Variants in ATP8B4 observed in about 807,000 individuals in gnomAD.
ATP8B4 encodes the protein probable phospholipid-transporting ATPase IM.
In ATP8B4, 133 loss-of-function variants were observed where a neutral mutation model predicts 145.6. The observed-to-expected ratio is 0.91, with a 90% CI of 0.79 to 1.05. The LOEUF is 1.05. ATP8B4 is among the 50% of genes least tolerant of loss of function. The pLI is 0.00. For missense variants in ATP8B4, 1,458 were observed against 1,425.2 expected (o/e 1.02, Z -0.37); for synonymous variants, 507 against 492.9 (o/e 1.03, Z -0.38).
At chr15:49,966,995 C>T (rs2044611996) in intron 13 of ATP8B4, among the ~76,000 whole-genome samples, 2 of 152,186 alleles carry the variant, frequency 1.3e-5, no homozygotes, top group East Asian at 1.9e-4. Context: ...GAGTGGACCT[C>T]CAGCAAACTC....
At chr15:50,160,952 A>G (rs2044509201) in intron 1 of ATP8B4, among the ~76,000 whole-genome samples, 1 of 152,118 alleles carries the variant, frequency 6.6e-6, no homozygotes, top group Admixed American at 6.5e-5. Context: ...TTAACTGTCC[A>G]ATGCTGAAAA....
chr15:50,004,368 T>TC (rs2153563801), intron 7 of ATP8B4, among the ~76,000 whole-genome samples: 1 of 152,308 alleles, frequency 6.6e-6, no homozygotes, highest in South Asian at 2.1e-4. Context: ...AAAGCCCTGC[T>TC]CATCCCTTGT....
At chr15:49,923,333 G>T in intron 17 of ATP8B4, 46 bp downstream of exon 17, 2 of 1,337,718 alleles carry the variant, frequency 1.5e-6, no homozygotes, top group Non-Finnish European at 2.1e-6. Context: ...AACCATAGGA[G>T]ATGGCAAAAG....
At chr15:50,097,222 A>T (rs2056045792) in intron 2 of ATP8B4, among the ~76,000 whole-genome samples, 1 of 152,192 alleles carries the variant, frequency 6.6e-6, no homozygotes, top group Non-Finnish European at 1.5e-5. Flanking sequence ...ATATGCCTTG[A>T]TAAGGTACCT....
chr15:49,968,769 C>T (rs535074589), intron 13 of ATP8B4, among the ~76,000 whole-genome samples: 13 of 152,146 alleles, frequency 8.5e-5, no homozygotes, highest in Non-Finnish European at 1.3e-4. Context: ...CTGGACCAAG[C>T]GGACCTAATA....
chr15:50,143,139 CA>C (rs2153680015), intron 1 of ATP8B4, among the ~76,000 whole-genome samples: 1 of 152,262 alleles, frequency 6.6e-6, no homozygotes, highest in South Asian at 2.1e-4. Flanking sequence ...AGTTGGCTGC[CA>C]AAACTGTGCC....
chr15:49,966,706 A>T lies in ATP8B4; in HGVS notation c.1244-4686T>A, dbSNP rs576237244. 3.3e-5 allele frequency among the ~76,000 whole-genome samples: 5 copies of T among 152,114 alleles called. No individual in the cohort carries two copies. The East Asian group carries it at 9.7e-4, about 29-fold the overall frequency. On this transcript the variant is annotated intron_variant, in intron 13 of 27. Transcript: ENST00000284509. Reference sequence around the variant, plus strand: ...GTGCGCGCAGCGTCAGCAGAATTATATGTTCCTGCCTGCCGGCTCTGAAGA... The same window carrying T: ...GTGCGCGCAGCGTCAGCAGAATTATTTGTTCCTGCCTGCCGGCTCTGAAGA...
chr15:50,178,458 C>T (rs1034975729), intron 1 of ATP8B4, among the ~76,000 whole-genome samples: 3 of 152,092 alleles, frequency 2.0e-5, no homozygotes, highest in Non-Finnish European at 1.5e-5. Context: ...ACAAAAGTTG[C>T]AGTTTTCTAC....
chr15:50,065,157 G>A (rs2053293122), intron 3 of ATP8B4, among the ~76,000 whole-genome samples: 2 of 152,190 alleles, frequency 1.3e-5, no homozygotes, highest in Middle Eastern at 3.4e-3. Flanking sequence ...AAATCAGGTC[G>A]ATTTAGCCAT....
rs755931160 is a variant in ATP8B4 at position 49,898,125 on chromosome 15, T to C, written c.2416A>G (p.Arg806Gly). 4.3e-6 allele frequency: 7 copies of C among 1,613,992 alleles called. No homozygotes were observed. Among genetic ancestry groups the C allele is most frequent in the South Asian group, 2.2e-5 (2 of 91,084 alleles). Reference sequence around the variant, plus strand: ...CCAATGGCCAAAGTAACAGCATTTCTGTACTTCTTCACCAGCTCTACCACT... The same window carrying C: ...CCAATGGCCAAAGTAACAGCATTTCCGTACTTCTTCACCAGCTCTACCACT... Reference protein sequence around the residue: ...AQVVELVKKYRNAVTLAIGDG... With the variant: ...AQVVELVKKYGNAVTLAIGDG... The change falls in exon 22 of 28, where the codon AGA (arginine) becomes GGA (glycine). Residue 806 changes from arginine to glycine, a missense_variant. Coordinates refer to ENST00000284509, the MANE Select transcript of ATP8B4 (RefSeq NM_024837.4).
chr15:50,021,264 G>A (rs1474145537), intron 6 of ATP8B4, among the ~76,000 whole-genome samples: 26 of 152,192 alleles, frequency 1.7e-4, no homozygotes, highest in Admixed American at 1.6e-3. Flanking sequence ...ATTTGTCACC[G>A]TCATTCTGCT....
chr15:49,960,203 T>G (rs988405494), intron 14 of ATP8B4, among the ~76,000 whole-genome samples: 26 of 152,060 alleles, frequency 1.7e-4, no homozygotes, highest in African/African-American at 6.3e-4. Flanking sequence ...ATTTTTATGT[T>G]TTTAGTACAG....
intron 2 of ATP8B4, among the ~76,000 whole-genome samples, chr15:50,076,245 G>A (rs1350839170): frequency 5.9e-5 from 9 of 152,140 alleles, no homozygotes; most frequent in Admixed American, 5.9e-4. Flanking sequence ...TGTAATCCCA[G>A]CACTTTGGGA....
rs560175193 is a variant in ATP8B4, at chr15:49,998,179, A to C, written c.507-1420T>G. Among the ~76,000 whole-genome samples, 4 of 152,302 alleles carry C rather than the reference A, an allele frequency of 2.6e-5. No individual in the cohort carries two copies. The South Asian group carries it at 6.2e-4, about 24-fold the overall frequency. ...CTCAGTTCTATCTTCAAATGTGAAA[A>C]AACAAAAGAGGAAGAATAATCACAC... On this transcript the variant is annotated intron_variant, in intron 8 of 27. Transcript: ENST00000284509.
At chr15:50,026,706 T>C (rs1252078531) in intron 6 of ATP8B4, among the ~76,000 whole-genome samples, 1 of 152,212 alleles carries the variant, frequency 6.6e-6, no homozygotes, top group Non-Finnish European at 1.5e-5. Flanking sequence ...AGCCAATTCA[T>C]GACAGAGCAG....
At position 49,876,493 on chromosome 15, in the gene ATP8B4, G is replaced by T; in HGVS notation, c.2812C>A (p.Pro938Thr). The change falls in exon 25 of 28, where the codon CCC becomes ACC. Residue 938 changes from proline (P) to threonine (T), a missense_variant. Coordinates refer to ENST00000284509, the MANE Select transcript of ATP8B4 (RefSeq NM_024837.4). ...AGCTGTCCTGGTTTGTAGAGCTGGG[G>T]ACAGTCCACGCTGTTCTGGTCACTC... is the stretch of plus-strand genomic sequence containing the variant. ...DVSDQNSVDC[P>T]QLYKPGQLNL... 6.2e-7 allele frequency: 1 copy of T among 1,614,068 alleles called. No individual in the cohort carries two copies. The highest frequency in any genetic ancestry group is 1.3e-5 in the African/African-American group (1 of 75,050).
At chr15:49,872,104 C>A (rs1333058511) in intron 25 of ATP8B4, among the ~76,000 whole-genome samples, 1 of 152,156 alleles carries the variant, frequency 6.6e-6, no homozygotes, top group Non-Finnish European at 1.5e-5. Context: ...CCAACTATGC[C>A]TAACTACCCA....
At chr15:50,147,773 GA>G (rs1011587615) in intron 1 of ATP8B4, among the ~76,000 whole-genome samples, 12 of 151,772 alleles carry the variant, frequency 7.9e-5, no homozygotes, top group African/African-American at 2.9e-4. Context: ...TTTAAAGGAG[GA>G]AAAAAAGAAA....
chr15:49,981,575 T>C (rs1257461111), intron 10 of ATP8B4, among the ~76,000 whole-genome samples: 1 of 152,054 alleles, frequency 6.6e-6, no homozygotes, highest in African/African-American at 2.4e-5. Context: ...TGTCTATACA[T>C]GAATATGCTT....
Sources: allele counts gnomAD v4.1 joint callset (sites outside exome capture counted in the v4.1 genomes callset), GRCh38; gene constraint gnomAD v4.1.1; transcripts MANE v1.5; gene names NCBI Gene and HGNC (gene_info 2026-07-23, HGNC 2026-07-21).